The following RANBP2 variants were observed in gnomAD, a reference collection of about 807,000 sequenced individuals.
RANBP2 encodes RAN binding protein 2.
RANBP2 carries 57 observed loss-of-function variants against 303.6 expected under a neutral mutation model. The observed-to-expected ratio is 0.19, with a 90% CI of 0.15 to 0.23. RANBP2 has a LOEUF of 0.23. RANBP2 is among the 10% of genes least tolerant of loss of function. The pLI is 1.00. For missense variants in RANBP2, 3,138 were observed against 3,780.8 expected, an observed-to-expected ratio of 0.83 and a Z score of 4.46; for synonymous variants, 1,167 against 1,301.5, an observed-to-expected ratio of 0.90 and a Z score of 2.23.
chr2:109,053,348 C>T, the RANBP2 span, among the ~76,000 whole-genome samples: 1,091 of 152,304 alleles, frequency 7.2e-3, 7 homozygotes, highest in East Asian at 0.034. Context: ...GCTTGTAGTT[C>T]TCGCAAATAA....
At chr2:109,585,755 A>AATGG in the RANBP2 span, 2 of 1,613,812 alleles carry the variant, frequency 1.2e-6, no homozygotes, top group Non-Finnish European at 1.7e-6. Flanking sequence ...AACCTTGCTG[A>AATGG]ATGGATCTGT....
the RANBP2 span, chr2:109,436,852 CTG>C: frequency 6.2e-7 from 1 of 1,600,838 alleles, no homozygotes; most frequent in Non-Finnish European, 8.5e-7. Flanking sequence ...ACGAATGCCT[CTG>C]AGCCTCTCAT....
chr2:109,485,168 C>A, the RANBP2 span, among the ~76,000 whole-genome samples: 1 of 152,318 alleles, frequency 6.6e-6, no homozygotes, highest in South Asian at 2.1e-4. Context: ...GTGTGCCCAA[C>A]CAATGCAAAC....
the RANBP2 span, among the ~76,000 whole-genome samples, chr2:109,705,151 T>C: frequency 0.029 from 4,374 of 151,826 alleles, 222 homozygotes; most frequent in African/African-American, 0.097. Context: ...ATGCCTGTAA[T>C]CCCACCACTT....
chr2:108,852,321 A>G, the RANBP2 span, among the ~76,000 whole-genome samples: 2 of 152,234 alleles, frequency 1.3e-5, no homozygotes, highest in Admixed American at 1.3e-4. Flanking sequence ...AAATTAGTTC[A>G]GCCATTGTGG....
the RANBP2 span, among the ~76,000 whole-genome samples, chr2:109,058,672 G>C: frequency 1.3e-5 from 2 of 152,226 alleles, no homozygotes; most frequent in South Asian, 4.1e-4. Flanking sequence ...GTCCTGTAAG[G>C]AGTTGGGAGC....
chr2:108,782,678 C>A lies in RANBP2; in HGVS notation c.9185C>A (p.Thr3062Asn). The A allele has an allele frequency of 6.2e-7, 1 of 1,614,166 alleles. No homozygotes were observed. ...VSLAAELSKE[T>N]NPVVFFDVCA... ...CTGGCAGCAGAATTATCAAAGGAGA[C>A]CAATCCTGTGGTGTTTTTTGATGTT... The change falls in exon 28 of 29, where the codon ACC becomes AAC. Residue 3062 changes from threonine to asparagine, a missense_variant. Thr to Asn is a moderately conservative substitution (Grantham distance 65). This residue lies in a region of RANBP2 where 204 missense variants were observed against 228.4 expected (regional missense o/e 0.89). Transcript: ENST00000283195.
At chr2:109,562,228 A>T in the RANBP2 span, among the ~76,000 whole-genome samples, 1 of 151,738 alleles carries the variant, frequency 6.6e-6, no homozygotes, top group Non-Finnish European at 1.5e-5. Context: ...TAATAATAAT[A>T]ATAATAAAAT....
the RANBP2 span, among the ~76,000 whole-genome samples, chr2:108,970,315 C>G: frequency 3.3e-5 from 5 of 152,082 alleles, 1 homozygote; most frequent in Admixed American, 3.3e-4. Context: ...GAGTCAGTGA[C>G]AGGATGCAGG....
At chr2:109,130,939 G>A in the RANBP2 span, among the ~76,000 whole-genome samples, 1 of 152,268 alleles carries the variant, frequency 6.6e-6, no homozygotes, top group South Asian at 2.1e-4. Context: ...GGCATGGGAT[G>A]CTGGTTTAAA....
At position 108,764,118 on chromosome 2, in the gene RANBP2, A is replaced by T; in HGVS notation, c.3579A>T (p.Glu1193Asp). The T allele has an allele frequency of 6.2e-7, 1 of 1,614,106 alleles. No homozygotes were observed. The part of the protein sequence containing the change: ...EVKTGEEDEE[E>D]FFCNRAKLFR... ...AAACTGGTGAGGAAGATGAAGAAGA[A>T]TTCTTTTGCAACCGCGCGAAATTGT... The change falls in exon 20 of 29, where the codon GAA (glutamate) becomes GAT (aspartate). Residue 1193 changes from glutamate (E) to aspartate (D), a missense_variant. Physicochemically the swap from Glu to Asp is conservative, Grantham distance 45. Coordinates refer to ENST00000283195, the MANE Select transcript of RANBP2 (RefSeq NM_006267.5).
the RANBP2 span, among the ~76,000 whole-genome samples, chr2:109,012,282 G>A: frequency 2.6e-5 from 4 of 152,280 alleles, no homozygotes; most frequent in Non-Finnish European, 4.4e-5. Flanking sequence ...ACTGCTAGTG[G>A]GCCAAGAGCT....
chr2:109,417,311 A>C, the RANBP2 span, among the ~76,000 whole-genome samples: 1 of 152,030 alleles, frequency 6.6e-6, no homozygotes, highest in African/African-American at 2.4e-5. Flanking sequence ...GTGACTCATG[A>C]TCCAGACCGG....
chr2:109,069,118 A>G, the RANBP2 span, among the ~76,000 whole-genome samples: 1 of 152,240 alleles, frequency 6.6e-6, no homozygotes, highest in East Asian at 1.9e-4. Flanking sequence ...TGCAGACAAT[A>G]TGCTCAAAAT....
At chr2:108,803,496 G>A in the RANBP2 span, among the ~76,000 whole-genome samples, 14 of 152,122 alleles carry the variant, frequency 9.2e-5, no homozygotes, top group South Asian at 2.1e-4. Context: ...AGGCTGGAGC[G>A]CAGTGGCTAT....
chr2:109,347,866 C>T, the RANBP2 span: 1 of 1,613,504 alleles, frequency 6.2e-7, no homozygotes, highest in East Asian at 2.2e-5. Context: ...GCCCTTGCCA[C>T]ACGCCCCGCC....
At chr2:108,854,864 G>A in the RANBP2 span, among the ~76,000 whole-genome samples, 2 of 152,166 alleles carry the variant, frequency 1.3e-5, no homozygotes, top group Admixed American at 6.5e-5. Context: ...TTCAAAGGGT[G>A]GGCAGTAGAG....
chr2:109,181,675 C>T, the RANBP2 span, among the ~76,000 whole-genome samples: 2 of 152,188 alleles, frequency 1.3e-5, no homozygotes. Context: ...ATTTCCCTCC[C>T]GGCCACAGGG....
the RANBP2 span, among the ~76,000 whole-genome samples, chr2:109,477,273 C>T: frequency 6.6e-6 from 1 of 152,346 alleles, no homozygotes; most frequent in Non-Finnish European, 1.5e-5. Flanking sequence ...GGGGAAGTCA[C>T]TCCCCGTTCC....
Sources: gnomAD v4.1 joint callset for allele counts (sites outside exome capture counted in the v4.1 genomes callset) on GRCh38, gnomAD v4.1.1 for gene constraint, gnomAD v4.1.1 regional missense constraint, MANE v1.5 for transcripts, NCBI Gene and HGNC (gene_info 2026-07-23, HGNC 2026-07-21) for gene names.